Variants in CCDC60 observed in about 807,000 individuals in gnomAD.
CCDC60 encodes the protein coiled-coil domain containing 60, also known as coiled-coil domain-containing protein 60.
Under a neutral mutation model 63.5 loss-of-function variants are expected in CCDC60, and 54 were observed. That is an observed-to-expected ratio of 0.85 (90% CI 0.68 to 1.07). The LOEUF is 1.07. CCDC60 is among the 50% of genes least tolerant of loss of function. The pLI is 0.00. For synonymous variants in CCDC60, 206 were observed against 238.8 expected (o/e 0.86, Z 1.27); for missense variants, 651 against 684.3 (o/e 0.95, Z 0.54).
chr12:119,527,816 A>G (rs941685012), intron 11 of CCDC60, among the ~76,000 whole-genome samples: 17 of 151,502 alleles, frequency 1.1e-4, no homozygotes, highest in Non-Finnish European at 2.1e-4. Context: ...AGCTGGGACT[A>G]CAGGCGCCCG....
At chr12:119,528,390 T>TA (rs1043907857) in intron 11 of CCDC60, among the ~76,000 whole-genome samples, 1 of 152,084 alleles carries the variant, frequency 6.6e-6, no homozygotes, top group Non-Finnish European at 1.5e-5. Context: ...TGAAAGCTAA[T>TA]AAAAAGTGAC....
At chr12:119,339,299 A>G (rs1301244464) in intron 1 of CCDC60, among the ~76,000 whole-genome samples, 1 of 152,198 alleles carries the variant, frequency 6.6e-6, no homozygotes, top group Non-Finnish European at 1.5e-5. Flanking sequence ...TGAAAACTCA[A>G]AAGTAGCATT....
At chr12:119,519,401 ATGTG>A (rs141127258) in intron 8 of CCDC60, among the ~76,000 whole-genome samples, 27,486 of 136,138 alleles carry the variant, frequency 0.2, 3,565 homozygotes, top group East Asian at 0.52. Flanking sequence ...AGTGATATAT[ATGTG>A]TGTGTGTGTG....
chr12:119,484,074 G>C (rs767450097), intron 4 of CCDC60, among the ~76,000 whole-genome samples: 3 of 152,048 alleles, frequency 2.0e-5, no homozygotes, highest in Non-Finnish European at 4.4e-5. Context: ...TCTCTACCCT[G>C]TAACAAGAGA....
Position 119,482,060 on chromosome 12 carries a change from T to C in CCDC60, c.449+2859T>C, listed in dbSNP as rs542986712. 1.2e-4 allele frequency among the ~76,000 whole-genome samples: 17 copies of C among 144,592 alleles called. No individual in the cohort carries two copies. The South Asian group carries it at 2.2e-3, about 18-fold the overall frequency. 94.9% of individuals were successfully genotyped at this position (144,592 alleles called of 152,430 possible). A position where few individuals can be genotyped will look rare whatever the true frequency, so the allele number is the denominator to read the frequency against. On this transcript the variant is annotated intron_variant, in intron 4 of 13. Transcript: ENST00000327554. ...ATATATGTATATATATGTGTGTATA[T>C]ATATGATGGAATACTACTCATCCAT...
Position 119,449,826 on chromosome 12 carries a change from C to T in CCDC60, c.170+21064C>T, listed in dbSNP as rs151008872. Among the ~76,000 whole-genome samples, 442 of 152,008 alleles carry T rather than the reference C, an allele frequency of 2.9e-3. 2 individuals are homozygous for T. Among genetic ancestry groups the T allele is most frequent in the African/African-American group, 0.01 (419 of 41,462 alleles). On this transcript the variant is annotated intron_variant, in intron 2 of 13. Coordinates refer to ENST00000327554, the MANE Select transcript of CCDC60 (RefSeq NM_178499.5). The stretch of plus-strand genomic sequence containing the variant: ...GAAAAGCAGAAGTAACTTCTGGTGG[C>T]GGGGGCGGGCAGGTAAGGCTCATAC...
chr12:119,373,905 C>T (rs1955925138), intron 1 of CCDC60, among the ~76,000 whole-genome samples: 1 of 152,154 alleles, frequency 6.6e-6, no homozygotes, highest in Non-Finnish European at 1.5e-5. Flanking sequence ...CCTGGAATTT[C>T]AAATGAACTT....
chr12:119,402,830 G>A (rs1956417174), intron 1 of CCDC60, among the ~76,000 whole-genome samples: 1 of 152,092 alleles, frequency 6.6e-6, no homozygotes, highest in Admixed American at 6.6e-5. Flanking sequence ...GGTGTAGTTT[G>A]GGGTTGTCTT....
At chr12:119,528,417 T>G (rs971960867) in intron 11 of CCDC60, among the ~76,000 whole-genome samples, 198 bp from the exon 12 acceptor site, 1 of 152,172 alleles carries the variant, frequency 6.6e-6, no homozygotes, top group Non-Finnish European at 1.5e-5. Flanking sequence ...TAACTGTGCT[T>G]AAGTAGTGCT....
intron 2 of CCDC60, among the ~76,000 whole-genome samples, chr12:119,448,659 G>C (rs1950581878): frequency 1.3e-5 from 2 of 152,154 alleles, no homozygotes; most frequent in African/African-American, 4.8e-5. Context: ...AAATAGACAA[G>C]AATGGCGGTG....
chr12:119,539,728 A>T (rs1953103657), intron 13 of CCDC60, among the ~76,000 whole-genome samples: 1 of 152,214 alleles, frequency 6.6e-6, no homozygotes, highest in Non-Finnish European at 1.5e-5. Flanking sequence ...CCACAGGGGT[A>T]TAAGAAAAAA....
chr12:119,377,584 CTAAA>C (rs1213710012), intron 1 of CCDC60, among the ~76,000 whole-genome samples: 1 of 152,160 alleles, frequency 6.6e-6, no homozygotes, highest in Non-Finnish European at 1.5e-5. Flanking sequence ...ACTAAACTAA[CTAAA>C]TAGTTAATAA....
intron 5 of CCDC60, among the ~76,000 whole-genome samples, chr12:119,493,253 G>T (rs950767240): frequency 6.6e-6 from 1 of 152,016 alleles, no homozygotes; most frequent in Non-Finnish European, 1.5e-5. Flanking sequence ...GATCCCAGAG[G>T]CTCCATTTCA....
chr12:119,518,349 C>G (rs1046894700), intron 8 of CCDC60, among the ~76,000 whole-genome samples: 3 of 152,176 alleles, frequency 2.0e-5, no homozygotes. Context: ...AGTCATCTAG[C>G]CTTTCTCTAA....
Position 119,428,683 on chromosome 12 carries a change from G to A in CCDC60, c.91G>A (p.Val31Ile), listed in dbSNP as rs148835178. The change falls in exon 2 of 14, where the codon GTC (valine) becomes ATC (isoleucine). Residue 31 changes from valine to isoleucine, a missense_variant and splice_region_variant. Val to Ile is a conservative substitution (Grantham distance 29, BLOSUM62 3). Transcript: ENST00000327554. ...PFYASENLRQVPDKPMKSIKY... is the reference protein window; with the variant it reads ...PFYASENLRQIPDKPMKSIKY... ...TTTTAACCCCTTGTCTTCTCATCAG[G>A]TCCCAGACAAGCCAATGAAGAGCAT... 133 of 1,592,700 alleles carry A rather than the reference G, an allele frequency of 8.4e-5. No individual in the cohort carries two copies. The African/African-American group carries it at 1.6e-3, about 20-fold the overall frequency.
At chr12:119,436,693 C>T (rs1950333314) in intron 2 of CCDC60, among the ~76,000 whole-genome samples, 1 of 152,102 alleles carries the variant, frequency 6.6e-6, no homozygotes, top group Admixed American at 6.5e-5. Context: ...TGTGCACCAC[C>T]TTGCCCAGCT....
At chr12:119,523,495 T>G (rs536171183) in intron 10 of CCDC60, among the ~76,000 whole-genome samples, 198 bp from the exon 11 acceptor site, 30 of 152,316 alleles carry the variant, frequency 2.0e-4, no homozygotes, top group African/African-American at 6.7e-4. Flanking sequence ...ACCATCCTGA[T>G]GCTATTGGGA....
intron 1 of CCDC60, among the ~76,000 whole-genome samples, chr12:119,418,156 C>T (rs982919003): frequency 1.3e-5 from 2 of 151,844 alleles, no homozygotes; most frequent in African/African-American, 4.8e-5. Context: ...TGTATGTATG[C>T]ATACATGTGT....
At chr12:119,488,665 T>C (rs533367536) in intron 4 of CCDC60, 94 bp from the exon 5 acceptor site, 29 of 1,033,852 alleles carry the variant, frequency 2.8e-5, no homozygotes, top group African/African-American at 2.4e-4. Context: ...GCTCCCTCAC[T>C]GGGAGCAAGT....
Sources: allele counts gnomAD v4.1 joint callset (sites outside exome capture counted in the v4.1 genomes callset), GRCh38; gene constraint gnomAD v4.1.1; transcripts MANE v1.5; gene names NCBI Gene and HGNC (gene_info 2026-07-23, HGNC 2026-07-21).